CEP112: variants seen among roughly 807,000 people sequenced by gnomAD.
CEP112 encodes centrosomal protein of 112 kDa.
CEP112 carries 127 observed loss-of-function variants against 153.0 expected under a neutral mutation model. The observed-to-expected ratio is 0.83, with a 90% confidence interval of 0.72 to 0.96. CEP112 has a LOEUF of 0.96. Among genes scored for constraint, CEP112 ranks in the 40% least tolerant of loss-of-function variants. The pLI is 0.00. For missense variants in CEP112, 1,089 were observed against 1,101.2 expected, an observed-to-expected ratio of 0.99 and a Z score of 0.16; for synonymous variants, 358 against 374.4, an observed-to-expected ratio of 0.96 and a Z score of 0.51.
At chr17:65,659,756 C>T (rs572789097) in intron 24 of CEP112, among the ~76,000 whole-genome samples, 11 of 152,304 alleles carry the variant, frequency 7.2e-5, no homozygotes, top group African/African-American at 2.6e-4. Flanking sequence ...AAAGCTTATA[C>T]TTTTTACACG....
intron 20 of CEP112, among the ~76,000 whole-genome samples, chr17:65,856,578 CT>C (rs761622125): frequency 1.3e-5 from 2 of 152,054 alleles, no homozygotes; most frequent in Non-Finnish European, 2.9e-5. Context: ...TCCATAATGT[CT>C]TTTTTTGAAA....
intron 24 of CEP112, among the ~76,000 whole-genome samples, chr17:65,673,326 C>A (rs1196260189): frequency 1.3e-5 from 2 of 152,114 alleles, no homozygotes; most frequent in Non-Finnish European, 2.9e-5. Context: ...TCTCTCTAGC[C>A]CCCCCGCCCT....
At chr17:66,096,751 A>C in intron 6 of CEP112, 119 bp from the exon 7 acceptor site, 1 of 692,838 alleles carries the variant, frequency 1.4e-6, no homozygotes, top group Non-Finnish European at 2.5e-6. Flanking sequence ...TTAATATTTA[A>C]TTCATTTTTA....
intron 1 of CEP112, among the ~76,000 whole-genome samples, chr17:66,188,593 T>C (rs1044694044): frequency 5.3e-5 from 8 of 151,854 alleles, no homozygotes; most frequent in African/African-American, 1.9e-4. Flanking sequence ...TGTTTTTTTT[T>C]TTTTTTACAC....
intron 16 of CEP112, among the ~76,000 whole-genome samples, chr17:66,027,107 T>C (rs2065244333): frequency 6.6e-6 from 1 of 152,210 alleles, no homozygotes; most frequent in African/African-American, 2.4e-5. Flanking sequence ...CTGGGCGCAA[T>C]GGCTCATGCC....
intron 21 of CEP112, among the ~76,000 whole-genome samples, chr17:65,788,745 A>T (rs1450274246): frequency 1.3e-5 from 2 of 151,442 alleles, no homozygotes; most frequent in African/African-American, 2.4e-5. Context: ...TCCTTTCCCT[A>T]TTTGTGTCTT....
rs1598145474 is a variant in CEP112, at chr17:66,024,858, A to C, written c.1656+2643T>G. On this transcript the variant is annotated intron_variant, in intron 16 of 26. Coordinates refer to ENST00000535342, the MANE Select transcript of CEP112 (RefSeq NM_001199165.4). ...GCCAAAGCAGTCCAAAGCAAAAAGA[A>C]CAACACTGGAAGCATAACATTATTT... Among the ~76,000 whole-genome samples the C allele has an allele frequency of 2.0e-5, 3 of 152,264 alleles. No homozygotes were observed. In the South Asian group the frequency reaches 6.2e-4, roughly 32 times the overall value.
At position 66,174,887 on chromosome 17, in the gene CEP112, ATT is replaced by A. The variant is rs550547298; in HGVS notation, c.470+155_470+156del. ...ATATATATGAAGTTAACAGGTATCTATTAAATGGCTAAAAATATAAAATAATC... is the reference window on the plus strand; with the variant it reads ...ATATATATGAAGTTAACAGGTATCTAAAATGGCTAAAAATATAAAATAATC... On this transcript the variant is annotated intron_variant, in intron 4 of 26. Coordinates refer to ENST00000535342, the MANE Select transcript of CEP112 (RefSeq NM_001199165.4). 1.0e-3 allele frequency among the ~76,000 whole-genome samples: 158 copies of A among 152,366 alleles called. 1 individual carries two copies. In the Middle Eastern group the frequency reaches 0.017, roughly 16 times the overall value.
Position 65,730,012 on chromosome 17 carries a change from G to A in CEP112, c.2607+13056C>T, listed in dbSNP as rs541178696. ...TCCAAAGAGTACAATTTAGCCATTG[G>A]TGAAGAGGAATCTACTTTCACCTGT... On this transcript the variant is annotated intron_variant, in intron 23 of 26. Transcript: ENST00000535342. Among the ~76,000 whole-genome samples, 126 of 152,318 alleles carry A rather than the reference G, an allele frequency of 8.3e-4. 1 individual carries two copies. Among genetic ancestry groups the A allele is most frequent in the Middle Eastern group, 6.8e-3 (2 of 294 alleles).
At chr17:66,006,324 T>G (rs2064271444) in intron 16 of CEP112, among the ~76,000 whole-genome samples, 1 of 152,084 alleles carries the variant, frequency 6.6e-6, no homozygotes, top group Non-Finnish European at 1.5e-5. Context: ...AAATTTGTCT[T>G]CGGCTGGGCA....
At chr17:65,937,629 C>G (rs1164254407) in intron 18 of CEP112, among the ~76,000 whole-genome samples, 4 of 99,818 alleles carry the variant, frequency 4.0e-5, no homozygotes, top group African/African-American at 6.8e-5. Flanking sequence ...GGGGGTCAGC[C>G]CCCCGCCCGG....
intron 20 of CEP112, among the ~76,000 whole-genome samples, chr17:65,899,855 A>T (rs1671508537): frequency 6.6e-6 from 1 of 152,206 alleles, no homozygotes; most frequent in Admixed American, 6.5e-5. Flanking sequence ...AAATTAAAAA[A>T]TTATACAATC....
At chr17:65,909,550 T>G (rs969700923) in intron 19 of CEP112, among the ~76,000 whole-genome samples, 7 of 152,248 alleles carry the variant, frequency 4.6e-5, no homozygotes, top group Non-Finnish European at 1.0e-4. Flanking sequence ...GCTGCTGGAA[T>G]GATTTTACCA....
chr17:65,776,799 CT>C (rs1567997789), intron 21 of CEP112, among the ~76,000 whole-genome samples: 26 of 152,250 alleles, frequency 1.7e-4, no homozygotes, highest in Non-Finnish European at 3.2e-4. Flanking sequence ...TGTCACAGTG[CT>C]TTCCAGAGAG....
chr17:65,776,507 G>C (rs2053689042), intron 21 of CEP112, among the ~76,000 whole-genome samples: 1 of 152,230 alleles, frequency 6.6e-6, no homozygotes, highest in Admixed American at 6.5e-5. Context: ...TTACAGGCGT[G>C]AGCCACCGTG....
intron 23 of CEP112, among the ~76,000 whole-genome samples, chr17:65,708,852 A>AC (rs2144684474): frequency 6.6e-6 from 1 of 152,260 alleles, no homozygotes; most frequent in South Asian, 2.1e-4. Flanking sequence ...TGACCCAGGG[A>AC]CTTGAACCCC....
intron 20 of CEP112, among the ~76,000 whole-genome samples, chr17:65,873,827 T>G (rs1469450913): frequency 6.6e-6 from 1 of 152,194 alleles, no homozygotes; most frequent in African/African-American, 2.4e-5. Context: ...AAAGTGTTTT[T>G]GTTTGGTTTT....
At chr17:65,971,672 C>T (rs1318273358) in intron 17 of CEP112, among the ~76,000 whole-genome samples, 1 of 151,958 alleles carries the variant, frequency 6.6e-6, no homozygotes, top group African/African-American at 2.4e-5. Context: ...ATGTATGTTA[C>T]ATGCATATTA....
chr17:66,140,809 T>A (rs916451607), intron 4 of CEP112, among the ~76,000 whole-genome samples: 6 of 151,970 alleles, frequency 3.9e-5, no homozygotes, highest in South Asian at 2.1e-4. Flanking sequence ...GGCTAATTTT[T>A]TTTTTATTTT....
Sources: gnomAD v4.1 joint callset for allele counts (sites outside exome capture counted in the v4.1 genomes callset) on GRCh38, gnomAD v4.1.1 for gene constraint, MANE v1.5 for transcripts, NCBI Gene and HGNC (gene_info 2026-07-23, HGNC 2026-07-21) for gene names.